FAM47E: variants seen among roughly 807,000 people sequenced by gnomAD.
The protein encoded by FAM47E is family with sequence similarity 47 member E.
Under a neutral mutation model 41.6 loss-of-function variants are expected in FAM47E, and 32 were observed. The ratio of observed to expected loss-of-function variants is 0.77; its 90% confidence interval spans 0.58 to 1.03. FAM47E has a LOEUF of 1.03. Ranked by LOEUF, FAM47E falls within the 50% of genes least tolerant of loss-of-function variation. FAM47E has a pLI of 0.00. For missense variants in FAM47E, 424 were observed against 485.4 expected, an observed-to-expected ratio of 0.87 and a Z score of 1.19; for synonymous variants, 184 against 188.7, an observed-to-expected ratio of 0.98 and a Z score of 0.20.
chr4:76,278,004 T>TG (rs1389855657), intron 5 of FAM47E, 65 bp from the exon 6 acceptor site: 4 of 1,413,284 alleles, frequency 2.8e-6, no homozygotes, highest in Admixed American at 3.3e-5. Flanking sequence ...AGCTAAGCTT[T>TG]AGATTTTTGA....
chr4:76,262,168 G>A (rs1007271625), intron 2 of FAM47E, among the ~76,000 whole-genome samples: 11 of 152,154 alleles, frequency 7.2e-5, no homozygotes, highest in Non-Finnish European at 1.0e-4. Context: ...GAGTACTCAC[G>A]TGAGTGTATA....
At chr4:76,224,179 T>C (rs1204180621) in intron 2 of FAM47E, among the ~76,000 whole-genome samples, 3 of 152,208 alleles carry the variant, frequency 2.0e-5, no homozygotes, top group Admixed American at 6.5e-5. Flanking sequence ...ATACAGTCCA[T>C]TACATACATG....
At chr4:76,221,713 C>T (rs1366448036) in intron 2 of FAM47E, among the ~76,000 whole-genome samples, 1 of 152,200 alleles carries the variant, frequency 6.6e-6, no homozygotes, top group East Asian at 1.9e-4. Context: ...ATCAAACACA[C>T]ACGGACACAA....
chr4:76,216,298 C>T (rs1056742317), intron 1 of FAM47E, among the ~76,000 whole-genome samples: 18 of 152,294 alleles, frequency 1.2e-4, no homozygotes, highest in Admixed American at 8.5e-4. Context: ...ATCTATATGT[C>T]CTCTCCTTCC....
intron 2 of FAM47E, among the ~76,000 whole-genome samples, chr4:76,262,570 C>T (rs1020711570): frequency 3.9e-5 from 6 of 151,974 alleles, no homozygotes; most frequent in Non-Finnish European, 5.9e-5. Context: ...TTTGCAAATT[C>T]GACTTCATGA....
At chr4:76,272,179 T>C (rs1734919639) in intron 5 of FAM47E, among the ~76,000 whole-genome samples, 1 of 152,240 alleles carries the variant, frequency 6.6e-6, no homozygotes, top group Non-Finnish European at 1.5e-5. Flanking sequence ...AAACCATCAT[T>C]CTTGACCACA....
chr4:76,258,438 C>A (rs1470706771), intron 2 of FAM47E, among the ~76,000 whole-genome samples: 1 of 151,994 alleles, frequency 6.6e-6, no homozygotes, highest in South Asian at 2.1e-4. Flanking sequence ...GGTGGTTCTC[C>A]AAGGAAAAAT....
At chr4:76,250,131 T>G (rs913013998), upstream of FAM47E, among the ~76,000 whole-genome samples, 1 of 152,130 alleles carries the variant, frequency 6.6e-6, no homozygotes, top group African/African-American at 2.4e-5. Flanking sequence ...TTAAGGAATC[T>G]CCACACTGTT....
intron 6 of FAM47E, chr4:76,278,637 C>T (rs1273096620): frequency 4.8e-6 from 1 of 207,136 alleles, no homozygotes; most frequent in African/African-American, 2.3e-5. Context: ...TCAAAAAATT[C>T]AAAATTTCAA....
exon 1 of FAM47E, chr4:76,214,205 T>G: frequency 2.2e-6 from 1 of 454,144 alleles, no homozygotes; most frequent in South Asian, 1.6e-5. Context: ...GCTCGCAAGT[T>G]AGCGGGGACA....
chr4:76,282,483 C>CT (rs1282185338), intron 7 of FAM47E: 1 of 152,260 alleles, frequency 6.6e-6, no homozygotes, highest in Non-Finnish European at 1.5e-5. Flanking sequence ...ACCTCCCTGA[C>CT]TGCACGTCCG....
chr4:76,256,648 C>G (rs560568269), intron 2 of FAM47E, 125 bp downstream of exon 2: 44 of 1,233,962 alleles, frequency 3.6e-5, no homozygotes, highest in Non-Finnish European at 1.2e-5. Context: ...ATGTCTCCCC[C>G]AGGATGCGAG....
At chr4:76,256,808 A>G (rs1330305171) in intron 2 of FAM47E, among the ~76,000 whole-genome samples, 1 of 152,156 alleles carries the variant, frequency 6.6e-6, no homozygotes, top group Non-Finnish European at 1.5e-5. Context: ...ATTCCCCATA[A>G]TTTCTACCCA....
intron 6 of FAM47E, chr4:76,280,021 A>G: frequency 2.7e-6 from 1 of 368,728 alleles, no homozygotes; most frequent in Non-Finnish European, 4.9e-6. Flanking sequence ...TCTAATTGCT[A>G]AAATGTGTTG....
At chr4:76,276,140 C>G (rs1209435389) in intron 5 of FAM47E, among the ~76,000 whole-genome samples, 1 of 152,072 alleles carries the variant, frequency 6.6e-6, no homozygotes, top group African/African-American at 2.4e-5. Context: ...ACCTGACTTT[C>G]ATTCAACAAA....
At chr4:76,237,212 A>G (rs1733603915) in intron 2 of FAM47E, among the ~76,000 whole-genome samples, 1 of 151,924 alleles carries the variant, frequency 6.6e-6, no homozygotes, top group Admixed American at 6.6e-5. Flanking sequence ...GTTTCTTATC[A>G]GATTTAAAGT....
At chr4:76,234,097 C>T (rs1467887382) in intron 2 of FAM47E, among the ~76,000 whole-genome samples, 1 of 152,184 alleles carries the variant, frequency 6.6e-6, no homozygotes, top group East Asian at 1.9e-4. Flanking sequence ...CCCGCGGCAC[C>T]TTGGGCCATG....
At chr4:76,230,181 A>G (rs1010317745) in intron 2 of FAM47E, among the ~76,000 whole-genome samples, 3 of 150,644 alleles carry the variant, frequency 2.0e-5, no homozygotes, top group South Asian at 2.1e-4. Context: ...CTGAGCTCAG[A>G]CTCTCCTTGG....
At chr4:76,277,652 C>T (rs533509760) in intron 5 of FAM47E, among the ~76,000 whole-genome samples, 13 of 152,126 alleles carry the variant, frequency 8.5e-5, no homozygotes, top group Non-Finnish European at 1.8e-4. Context: ...AAGGTCTTTA[C>T]CCTAGGGGGA....
Sources: gnomAD v4.1 joint callset for allele counts (sites outside exome capture counted in the v4.1 genomes callset) on GRCh38, gnomAD v4.1.1 for gene constraint, MANE v1.5 for transcripts, NCBI Gene and HGNC (gene_info 2026-07-23, HGNC 2026-07-21) for gene names.